The following PPARGC1A variants were observed in gnomAD, a reference collection of about 807,000 sequenced individuals.
The protein encoded by PPARGC1A is PPARG coactivator 1 alpha.
Under a neutral mutation model 88.7 loss-of-function variants are expected in PPARGC1A, and 25 were observed. The observed-to-expected ratio is 0.28, with a 90% confidence interval of 0.21 to 0.39. The LOEUF (loss-of-function observed/expected upper bound fraction) is 0.39, where lower values mean the gene tolerates loss of function less well. Ranked by LOEUF, PPARGC1A falls within the 10% of genes least tolerant of loss-of-function variation. PPARGC1A has a pLI of 1.00. For missense variants in PPARGC1A, 880 were observed against 968.7 expected, an observed-to-expected ratio of 0.91 and a Z score of 1.22; for synonymous variants, 363 against 355.6, an observed-to-expected ratio of 1.02 and a Z score of -0.24.
intron 2 of PPARGC1A, among the ~76,000 whole-genome samples, chr4:23,867,447 G>C (rs748190064): frequency 2.0e-5 from 3 of 152,198 alleles, no homozygotes; most frequent in Non-Finnish European, 4.4e-5. Context: ...TCCTGCATAG[G>C]AACATACTGA....
the PPARGC1A span, among the ~76,000 whole-genome samples, chr4:24,428,824 G>C: frequency 6.6e-6 from 1 of 152,218 alleles, no homozygotes; most frequent in Non-Finnish European, 1.5e-5. Flanking sequence ...AAATGAAATT[G>C]TATCTTTCTT....
At chr4:24,207,019 C>A in the PPARGC1A span, among the ~76,000 whole-genome samples, 1 of 151,956 alleles carries the variant, frequency 6.6e-6, no homozygotes, top group African/African-American at 2.4e-5. Flanking sequence ...TCCTTTGAAT[C>A]ACAATGTCCT....
the PPARGC1A span, among the ~76,000 whole-genome samples, chr4:24,157,048 T>C: frequency 6.6e-6 from 1 of 152,182 alleles, no homozygotes; most frequent in East Asian, 1.9e-4. Flanking sequence ...ATAGAGGCTG[T>C]ATAGGGTTGT....
At chr4:24,287,938 C>T in the PPARGC1A span, among the ~76,000 whole-genome samples, 3 of 152,184 alleles carry the variant, frequency 2.0e-5, no homozygotes, top group Admixed American at 6.5e-5. Flanking sequence ...AGGAGAATGC[C>T]AACCAGCTGA....
the PPARGC1A span, among the ~76,000 whole-genome samples, chr4:24,179,044 TA>T: frequency 0.074 from 11,269 of 152,262 alleles, 445 homozygotes; most frequent in Non-Finnish European, 0.082. Context: ...GTGCTAGGAC[TA>T]AGCAGTGTGC....
the PPARGC1A span, among the ~76,000 whole-genome samples, chr4:24,334,484 C>T: frequency 6.6e-6 from 1 of 152,208 alleles, no homozygotes; most frequent in African/African-American, 2.4e-5. Flanking sequence ...AAGTCAAAGA[C>T]AAGGCAGAAT....
chr4:24,347,768 G>C, the PPARGC1A span, among the ~76,000 whole-genome samples: 3 of 152,116 alleles, frequency 2.0e-5, no homozygotes, highest in African/African-American at 7.2e-5. Flanking sequence ...TGTTAGTATT[G>C]AAATGTGAGG....
the PPARGC1A span, among the ~76,000 whole-genome samples, chr4:23,926,538 T>C: frequency 0.011 from 1,664 of 152,318 alleles, 19 homozygotes; most frequent in South Asian, 0.038. Context: ...GAGAAAGCGC[T>C]TGAACATGGC....
At chr4:24,003,658 C>T in the PPARGC1A span, among the ~76,000 whole-genome samples, 4,570 of 152,090 alleles carry the variant, frequency 0.03, 258 homozygotes, top group African/African-American at 0.1. Context: ...AAGGAAAAGA[C>T]CAGAGTGGCT....
the PPARGC1A span, among the ~76,000 whole-genome samples, chr4:24,414,137 G>C: frequency 0.02 from 2,988 of 152,060 alleles, 89 homozygotes; most frequent in African/African-American, 0.065. Flanking sequence ...ATCCAAACTG[G>C]GTTCCTTCTA....
intron 2 of PPARGC1A, among the ~76,000 whole-genome samples, chr4:23,858,025 C>CG (rs1478481285): frequency 6.6e-6 from 1 of 151,872 alleles, no homozygotes; most frequent in Non-Finnish European, 1.5e-5. Context: ...AAAACAACTA[C>CG]TATGGCTAAA....
chr4:24,103,714 C>A, the PPARGC1A span, among the ~76,000 whole-genome samples: 3 of 151,798 alleles, frequency 2.0e-5, no homozygotes, highest in Non-Finnish European at 4.4e-5. Flanking sequence ...TGGTAGGGTG[C>A]TGAAGCCTAC....
At chr4:23,947,396 TAAAA>T in the PPARGC1A span, among the ~76,000 whole-genome samples, 2,904 of 18,062 alleles carry the variant, frequency 0.16, 210 homozygotes, top group East Asian at 0.26. Context: ...TATATATATA[TAAAA>T]AAAACGGTGA....
chr4:24,239,651 C>T, the PPARGC1A span, among the ~76,000 whole-genome samples: 3 of 151,954 alleles, frequency 2.0e-5, no homozygotes, highest in Non-Finnish European at 4.4e-5. Flanking sequence ...AGTGCATAGG[C>T]AGAATTCATG....
At chr4:24,364,182 A>C in the PPARGC1A span, among the ~76,000 whole-genome samples, 2 of 152,210 alleles carry the variant, frequency 1.3e-5, no homozygotes, top group Non-Finnish European at 2.9e-5. Context: ...AAGAGAAGCC[A>C]GCCATTCCAA....
the PPARGC1A span, among the ~76,000 whole-genome samples, chr4:24,201,558 T>C: frequency 3.9e-5 from 6 of 152,366 alleles, no homozygotes; most frequent in East Asian, 7.7e-4. Flanking sequence ...ATTCGTAGAA[T>C]AGAGAAGGAG....
the PPARGC1A span, among the ~76,000 whole-genome samples, chr4:24,312,061 G>A: frequency 1.3e-5 from 2 of 152,160 alleles, no homozygotes; most frequent in South Asian, 2.1e-4. Context: ...CAGCTTGAAC[G>A]TTTTGCACCT....
At chr4:24,095,109 T>C in the PPARGC1A span, among the ~76,000 whole-genome samples, 85 of 136,902 alleles carry the variant, frequency 6.2e-4, 1 homozygote, top group African/African-American at 2.4e-3. Flanking sequence ...TATTTAGAAA[T>C]AGGGTCTTTT....
At chr4:24,264,242 G>GCACGCCT in the PPARGC1A span, among the ~76,000 whole-genome samples, 3,518 of 152,204 alleles carry the variant, frequency 0.023, 138 homozygotes, top group African/African-American at 0.08. Context: ...TGGAGGGTTG[G>GCACGCCT]CATACCCATG....
Sources: allele counts gnomAD v4.1 joint callset (sites outside exome capture counted in the v4.1 genomes callset), GRCh38; gene constraint gnomAD v4.1.1; transcripts MANE v1.5; gene names NCBI Gene and HGNC (gene_info 2026-07-23, HGNC 2026-07-21).